C13orf42: variants seen among roughly 807,000 people sequenced by gnomAD.
C13orf42 encodes the protein chromosome 13 open reading frame 42.
At chr13:51,170,402 C>T (rs907572617) in intron 1 of C13orf42, among the ~76,000 whole-genome samples, 1 of 152,158 alleles carries the variant, frequency 6.6e-6, no homozygotes, top group African/African-American at 2.4e-5. Flanking sequence ...GAAACATCCA[C>T]CTACGACCTC....
intron 1 of C13orf42, among the ~76,000 whole-genome samples, chr13:51,167,096 C>A (rs1353754729): frequency 2.6e-5 from 4 of 151,236 alleles, no homozygotes; most frequent in South Asian, 2.1e-4. Flanking sequence ...AAACAAAAAA[C>A]CAAAAACCAA....
At chr13:51,136,009 C>T (rs1256855737) in intron 1 of C13orf42, among the ~76,000 whole-genome samples, 1 of 152,170 alleles carries the variant, frequency 6.6e-6, no homozygotes, top group Non-Finnish European at 1.5e-5. Context: ...ATTTGCAGGG[C>T]GTGACCTCCA....
rs142349301 is a variant in C13orf42 at position 51,160,663 on chromosome 13, A to G, written n.136+11590T>C. The stretch of plus-strand genomic sequence containing the variant: ...GGCACTAGAAAGTAGACAATTTCTC[A>G]GTGGTACGAGAAGAGCATCCCTCAA... On this transcript the variant is annotated intron_variant and non_coding_transcript_variant, in intron 1 of 4. Transcript: ENST00000433280. Among the ~76,000 whole-genome samples, 504 of 152,346 alleles carry G rather than the reference A, an allele frequency of 3.3e-3. 14 individuals carry two copies. Among genetic ancestry groups the G allele is most frequent in the Non-Finnish European group, 6.6e-4 (45 of 68,024 alleles).
intron 2 of C13orf42, among the ~76,000 whole-genome samples, chr13:51,086,361 T>C (rs1405182975): frequency 6.6e-6 from 1 of 152,036 alleles, no homozygotes; most frequent in African/African-American, 2.4e-5. Context: ...GATCTATATT[T>C]ATGGGCTTGG....
intron 1 of C13orf42, among the ~76,000 whole-genome samples, chr13:51,140,026 C>T (rs548495064): frequency 1.2e-3 from 181 of 152,244 alleles, no homozygotes; most frequent in African/African-American, 4.3e-3. Flanking sequence ...CCCAAAATCA[C>T]GAAGGAAAAC....
intron 1 of C13orf42, among the ~76,000 whole-genome samples, chr13:51,160,379 G>A (rs905248514): frequency 2.6e-5 from 4 of 152,172 alleles, no homozygotes; most frequent in African/African-American, 7.2e-5. Context: ...GCATGGTGGC[G>A]CAAGCCTGTA....
At chr13:51,144,852 C>A (rs951251702) in intron 1 of C13orf42, among the ~76,000 whole-genome samples, 2 of 152,190 alleles carry the variant, frequency 1.3e-5, no homozygotes, top group African/African-American at 2.4e-5. Context: ...GGAACAAAGT[C>A]CCATCAAAGC....
intron 1 of C13orf42, among the ~76,000 whole-genome samples, chr13:51,133,689 G>T (rs1162543116): frequency 6.6e-6 from 1 of 152,188 alleles, no homozygotes; most frequent in Non-Finnish European, 1.5e-5. Flanking sequence ...CCTTCCCTTG[G>T]TCTGAGCACT....
At chr13:51,085,743 T>A (rs1399630476) in intron 2 of C13orf42, among the ~76,000 whole-genome samples, 184 bp from the exon 3 acceptor site, 1 of 152,236 alleles carries the variant, frequency 6.6e-6, no homozygotes, top group African/African-American at 2.4e-5. Flanking sequence ...CAATGGAATA[T>A]ATGTCCATTA....
At chr13:51,142,189 A>G (rs1459898944) in intron 1 of C13orf42, among the ~76,000 whole-genome samples, 2 of 152,264 alleles carry the variant, frequency 1.3e-5, no homozygotes, top group African/African-American at 4.8e-5. Flanking sequence ...AGCCTAGTCC[A>G]TAGACAATAA....
intron 1 of C13orf42, among the ~76,000 whole-genome samples, chr13:51,101,703 C>T (rs1183928752): frequency 1.3e-5 from 2 of 152,188 alleles, no homozygotes; most frequent in Non-Finnish European, 2.9e-5. Context: ...AATGCCTCTG[C>T]TCAATGAGCT....
intron 1 of C13orf42, among the ~76,000 whole-genome samples, chr13:51,146,503 G>A (rs1173221449): frequency 1.3e-5 from 2 of 152,166 alleles, no homozygotes; most frequent in Admixed American, 1.3e-4. Flanking sequence ...AGGAGGTCCT[G>A]ATAACATGTG....
intron 1 of C13orf42, among the ~76,000 whole-genome samples, chr13:51,147,973 C>T (rs925763574): frequency 4.6e-5 from 7 of 152,116 alleles, no homozygotes; most frequent in East Asian, 3.9e-4. Context: ...CTATGTCTGA[C>T]GTTTGCCACT....
At chr13:51,152,564 G>A (rs531068996) in intron 1 of C13orf42, among the ~76,000 whole-genome samples, 6 of 152,224 alleles carry the variant, frequency 3.9e-5, no homozygotes, top group African/African-American at 1.4e-4. Context: ...TGCCCAGGCT[G>A]GTGTCAAACT....
intron 1 of C13orf42, among the ~76,000 whole-genome samples, chr13:51,124,971 C>T (rs559098173): frequency 5.1e-4 from 78 of 152,180 alleles, no homozygotes; most frequent in Non-Finnish European, 5.4e-4. Context: ...CTTTTGGTCA[C>T]ACATCAAAGA....
At chr13:51,119,828 G>A (rs952088463) in intron 1 of C13orf42, among the ~76,000 whole-genome samples, 2 of 152,098 alleles carry the variant, frequency 1.3e-5, no homozygotes, top group African/African-American at 2.4e-5. Context: ...GGAGGCGGAT[G>A]GTGGTGGCTG....
At chr13:51,122,000 T>A (rs1461041863) in intron 1 of C13orf42, among the ~76,000 whole-genome samples, 1 of 152,192 alleles carries the variant, frequency 6.6e-6, no homozygotes, top group Non-Finnish European at 1.5e-5. Context: ...ATACAATACA[T>A]TCCCTTTTAC....
At chr13:51,095,185 C>T (rs1173248308) in intron 1 of C13orf42, among the ~76,000 whole-genome samples, 1 of 152,150 alleles carries the variant, frequency 6.6e-6, no homozygotes, top group East Asian at 1.9e-4. Context: ...TGTTTCCTGG[C>T]TTGCATCATC....
At chr13:51,113,879 TCCACATCAGCC>T (rs1308723613), upstream of C13orf42, among the ~76,000 whole-genome samples, 3 of 152,184 alleles carry the variant, frequency 2.0e-5, no homozygotes. Context: ...GCCTAGCCCC[TCCACATCAGCC>T]CCACTGCCTA....
Sources: gnomAD v4.1 joint callset for allele counts (sites outside exome capture counted in the v4.1 genomes callset) on GRCh38, gnomAD v4.1.1 for gene constraint, MANE v1.5 for transcripts, NCBI Gene and HGNC (gene_info 2026-07-23, HGNC 2026-07-21) for gene names.